The following RAPGEF5 variants were observed in gnomAD, a reference collection of about 807,000 sequenced individuals.
RAPGEF5 encodes Rap guanine nucleotide exchange factor 5, also known as M-Ras-regulated GEF.
A neutral mutation model predicts 125.2 loss-of-function variants in RAPGEF5; 65 were observed. The ratio of observed to expected loss-of-function variants is 0.52; its 90% CI spans 0.43 to 0.64. The LOEUF (loss-of-function observed/expected upper bound fraction) is 0.64, where lower values mean the gene tolerates loss of function less well. Among genes scored for constraint, RAPGEF5 ranks in the 30% least tolerant of loss-of-function variants. The pLI is 0.00. For missense variants in RAPGEF5, 958 were observed against 1,048.1 expected, an observed-to-expected ratio of 0.91 and a Z score of 1.19; for synonymous variants, 391 against 385.9, an observed-to-expected ratio of 1.01 and a Z score of -0.16.
At chr7:22,309,361 A>G (rs972532506) in intron 4 of RAPGEF5, among the ~76,000 whole-genome samples, 2 of 152,204 alleles carry the variant, frequency 1.3e-5, no homozygotes, top group Non-Finnish European at 2.9e-5. Flanking sequence ...TATAGGAAAA[A>G]AGTGCTTTTC....
At chr7:22,323,383 C>T (rs934540217) in intron 1 of RAPGEF5, among the ~76,000 whole-genome samples, 2 of 152,190 alleles carry the variant, frequency 1.3e-5, no homozygotes, top group Non-Finnish European at 2.9e-5. Context: ...GAACCAACAG[C>T]TTCTGGGAAA....
intron 6 of RAPGEF5, among the ~76,000 whole-genome samples, chr7:22,282,622 A>G (rs533206054): frequency 4.6e-5 from 7 of 152,350 alleles, no homozygotes; most frequent in African/African-American, 1.7e-4. Context: ...TCTCCAATGC[A>G]ATGGTAATAC....
chr7:22,220,595 A>C (rs1417564586), intron 8 of RAPGEF5, among the ~76,000 whole-genome samples: 1 of 152,174 alleles, frequency 6.6e-6, no homozygotes, highest in Non-Finnish European at 1.5e-5. Flanking sequence ...CTGGAAAAAG[A>C]AAGCTTGAAA....
intron 1 of RAPGEF5, among the ~76,000 whole-genome samples, chr7:22,342,966 G>A (rs1784156154): frequency 6.6e-6 from 1 of 152,162 alleles, no homozygotes; most frequent in Admixed American, 6.5e-5. Flanking sequence ...CACATTTTCA[G>A]GTATCTTTTC....
intron 24 of RAPGEF5, among the ~76,000 whole-genome samples, chr7:22,129,867 T>C (rs1782861421): frequency 6.6e-6 from 1 of 152,156 alleles, no homozygotes; most frequent in African/African-American, 2.4e-5. Flanking sequence ...ATAAGGGTTG[T>C]ATAAGAGCCA....
At chr7:22,260,132 T>TA (rs1384058727) in intron 7 of RAPGEF5, among the ~76,000 whole-genome samples, 1 of 151,774 alleles carries the variant, frequency 6.6e-6, no homozygotes, top group Non-Finnish European at 1.5e-5. Context: ...TAGAGGAACA[T>TA]AGAGTTGAAT....
intron 11 of RAPGEF5, among the ~76,000 whole-genome samples, chr7:22,185,825 T>G (rs1286260931): frequency 6.6e-5 from 10 of 152,190 alleles, no homozygotes; most frequent in Non-Finnish European, 1.5e-4. Context: ...CACTGATTTT[T>G]TTTTATTAGC....
At chr7:22,140,202 TA>T (rs1283079430) in intron 20 of RAPGEF5, 87 bp from the exon 21 acceptor site, 1 of 1,221,300 alleles carries the variant, frequency 8.2e-7, no homozygotes, top group Non-Finnish European at 1.2e-6. Flanking sequence ...AAGACCCTCC[TA>T]GGCCACAGAG....
chr7:22,217,213 C>T (rs979939805), intron 9 of RAPGEF5, among the ~76,000 whole-genome samples: 2 of 152,186 alleles, frequency 1.3e-5, no homozygotes, highest in South Asian at 2.1e-4. Context: ...GAAAGGAAAT[C>T]TGTATGTAAC....
chr7:22,136,549 G>A (rs1415100094), intron 22 of RAPGEF5, among the ~76,000 whole-genome samples: 2 of 151,728 alleles, frequency 1.3e-5, no homozygotes, highest in East Asian at 3.9e-4. Flanking sequence ...ATTCTAAAAA[G>A]AAACTATAAT....
chr7:22,213,905 C>G (rs6957641), intron 9 of RAPGEF5, among the ~76,000 whole-genome samples: 1 of 152,120 alleles, frequency 6.6e-6, no homozygotes, highest in Admixed American at 6.5e-5. Context: ...AAACAATGAT[C>G]AAACCTCTTT....
intron 19 of RAPGEF5, among the ~76,000 whole-genome samples, chr7:22,145,872 A>C (rs1351668513): frequency 6.6e-6 from 1 of 152,204 alleles, no homozygotes; most frequent in Non-Finnish European, 1.5e-5. Flanking sequence ...GCAAGGTCTG[A>C]TAATTTACGA....
intron 7 of RAPGEF5, among the ~76,000 whole-genome samples, chr7:22,257,207 C>G (rs113746939): frequency 8.1e-4 from 123 of 152,262 alleles, no homozygotes; most frequent in Non-Finnish European, 1.6e-3. Flanking sequence ...TCCAGATGTG[C>G]CAGCTATCAT....
At chr7:22,144,569 C>T (rs887381183) in intron 20 of RAPGEF5, among the ~76,000 whole-genome samples, 8 of 152,124 alleles carry the variant, frequency 5.3e-5, no homozygotes, top group African/African-American at 1.4e-4. Context: ...GGGGTGCACC[C>T]AGGGATGAGG....
At chr7:22,196,686 G>A (rs1040681920) in intron 9 of RAPGEF5, among the ~76,000 whole-genome samples, 1 of 152,168 alleles carries the variant, frequency 6.6e-6, no homozygotes, top group African/African-American at 2.4e-5. Context: ...AGATAACTAT[G>A]GGTGACTGTG....
chr7:22,328,947 C>T (rs568212768), intron 1 of RAPGEF5, among the ~76,000 whole-genome samples: 2 of 152,284 alleles, frequency 1.3e-5, no homozygotes, highest in African/African-American at 4.8e-5. Flanking sequence ...GTATTTTTGC[C>T]TCCTCTCTAA....
In RAPGEF5 at chr7:22,150,116, A is replaced by G. The variant is rs1465592357; in HGVS notation, c.1884+291T>C. Among the ~76,000 whole-genome samples the G allele has an allele frequency of 1.3e-4, 16 of 120,556 alleles. No homozygotes were observed. The East Asian group carries it at 3.7e-3, about 28-fold the overall frequency. The allele number at this position is 120,556 out of a possible 152,430, so 79.1% of individuals were successfully genotyped here. The stretch of plus-strand genomic sequence containing the variant: ...TTTTTTTGAGACAAGGTCCTACCCT[A>G]TCACCTGGGCTGGAGTGCAATGATG... On this transcript the variant is annotated intron_variant, in intron 18 of 25. Transcript: ENST00000665637.
chr7:22,258,050 G>T (rs1198153756), intron 7 of RAPGEF5, among the ~76,000 whole-genome samples: 1 of 152,088 alleles, frequency 6.6e-6, no homozygotes, highest in Non-Finnish European at 1.5e-5. Flanking sequence ...GAAAATCCAA[G>T]ATAATTTTTA....
At chr7:22,356,657 GGTGGCA>G (rs1380972177) in intron 1 of RAPGEF5, 167 bp downstream of exon 1, 66 of 242,150 alleles carry the variant, frequency 2.7e-4, no homozygotes, top group Middle Eastern at 1.4e-3. Flanking sequence ...TCGCTCAGGG[GGTGGCA>G]CCTCAAAACC....
Sources: allele counts gnomAD v4.1 joint callset (sites outside exome capture counted in the v4.1 genomes callset), GRCh38; gene constraint gnomAD v4.1.1; transcripts MANE v1.5; gene names NCBI Gene and HGNC (gene_info 2026-07-23, HGNC 2026-07-21).